The following PTPN4 variants were observed in gnomAD, a reference collection of about 807,000 sequenced individuals.
PTPN4 encodes protein tyrosine phosphatase non-receptor type 4.
PTPN4 carries 49 observed loss-of-function variants against 135.5 expected under a neutral mutation model. The ratio of observed to expected loss-of-function variants is 0.36; its 90% CI spans 0.29 to 0.46. The LOEUF is 0.46. PTPN4 is among the 20% of genes least tolerant of loss of function. PTPN4 has a pLI of 1.00. For synonymous variants in PTPN4, 333 were observed against 369.9 expected, an observed-to-expected ratio of 0.90 and a Z score of 1.14; for missense variants, 860 against 1,101.0, an observed-to-expected ratio of 0.78 and a Z score of 3.10.
chr2:119,934,810 A>G lies in PTPN4; in HGVS notation c.1207A>G (p.Thr403Ala), dbSNP rs756296489. The G allele has an allele frequency of 6.2e-7, 1 of 1,613,730 alleles. No homozygotes were observed. Among genetic ancestry groups the G allele is most frequent in the Admixed American group, 1.7e-5 (1 of 59,908 alleles). Residue 403 changes from threonine (T) to alanine (A), a missense_variant, in exon 15 of 27, where the codon ACA becomes GCA. Around this residue, in one of 2 missense-constraint regions of PTPN4, gnomAD observed 684 missense variants for 807.0 expected, o/e 0.85. Coordinates refer to ENST00000263708, the MANE Select transcript of PTPN4 (RefSeq NM_002830.4). Reference protein sequence around the residue: ...PPGTPNHRNSTFTQEGTRLRP... With the variant: ...PPGTPNHRNSAFTQEGTRLRP... ...TCCCTCTTTATTTAGTCGAAATTCT[A>G]CATTCACGCAGGAAGGAACCCGGTT... is the stretch of plus-strand genomic sequence containing the variant.
intron 22 of PTPN4, among the ~76,000 whole-genome samples, 186 bp downstream of exon 22, chr2:119,957,263 A>G (rs1432506892): frequency 2.0e-5 from 3 of 152,192 alleles, no homozygotes; most frequent in African/African-American, 7.2e-5. Flanking sequence ...AGAGCAGTGG[A>G]ATGGAATAGT....
At chr2:119,784,204 C>T (rs181254889) in intron 1 of PTPN4, among the ~76,000 whole-genome samples, 107 of 151,518 alleles carry the variant, frequency 7.1e-4, no homozygotes, top group Non-Finnish European at 1.2e-3. Context: ...TTGGTCAAAG[C>T]AATTACAAGT....
At chr2:119,816,607 A>G (rs1005367892) in intron 2 of PTPN4, among the ~76,000 whole-genome samples, 1 of 152,174 alleles carries the variant, frequency 6.6e-6, no homozygotes. Flanking sequence ...ACAGCTCACC[A>G]TAATGTAGAG....
chr2:119,904,066 G>A (rs900130492), intron 10 of PTPN4, among the ~76,000 whole-genome samples: 2 of 152,152 alleles, frequency 1.3e-5, no homozygotes, highest in African/African-American at 4.8e-5. Flanking sequence ...TGTTACACCA[G>A]ATGTGCAGAT....
chr2:119,945,018 G>GT, intron 15 of PTPN4, 63 bp from the exon 16 acceptor site: 1 of 1,453,270 alleles, frequency 6.9e-7, no homozygotes, highest in Non-Finnish European at 9.2e-7. Context: ...AAATATGTGG[G>GT]TTGCTTGACC....
At chr2:119,773,414 G>A (rs1690770445) in intron 1 of PTPN4, among the ~76,000 whole-genome samples, 1 of 151,948 alleles carries the variant, frequency 6.6e-6, no homozygotes, top group Admixed American at 6.6e-5. Flanking sequence ...GAACTATATA[G>A]CCTAAAAATA....
At chr2:119,940,006 A>G (rs1679038687) in intron 15 of PTPN4, among the ~76,000 whole-genome samples, 1 of 152,210 alleles carries the variant, frequency 6.6e-6, no homozygotes, top group African/African-American at 2.4e-5. Context: ...TAGCTGCAGT[A>G]TGCTTACCTA....
intron 1 of PTPN4, among the ~76,000 whole-genome samples, chr2:119,766,119 T>TC (rs767356526): frequency 3.3e-5 from 5 of 152,098 alleles, no homozygotes; most frequent in Non-Finnish European, 7.4e-5. Flanking sequence ...GCATATCAGA[T>TC]CCCCCTCCCC....
At chr2:119,903,347 C>G (rs1407262380) in intron 10 of PTPN4, among the ~76,000 whole-genome samples, 1 of 152,044 alleles carries the variant, frequency 6.6e-6, no homozygotes, top group Non-Finnish European at 1.5e-5. Flanking sequence ...CCACCGTCAC[C>G]AGTGATAACA....
At chr2:119,970,049 T>C (rs1443190565) in intron 26 of PTPN4, among the ~76,000 whole-genome samples, 1 of 151,960 alleles carries the variant, frequency 6.6e-6, no homozygotes, top group Non-Finnish European at 1.5e-5. Flanking sequence ...TATATAACTT[T>C]TATTTTTATT....
intron 1 of PTPN4, among the ~76,000 whole-genome samples, chr2:119,761,570 A>T (rs1404218025): frequency 6.6e-6 from 1 of 152,210 alleles, no homozygotes; most frequent in Non-Finnish European, 1.5e-5. Flanking sequence ...TGTGGACATC[A>T]CTGTTTTTTT....
intron 5 of PTPN4, among the ~76,000 whole-genome samples, chr2:119,881,569 A>G (rs1395068088): frequency 6.6e-6 from 1 of 152,242 alleles, no homozygotes; most frequent in Non-Finnish European, 1.5e-5. Context: ...GAAACAAGAC[A>G]TTCGAAATAC....
In PTPN4 at chr2:119,881,957, C is replaced by G. The variant is rs916057239; in HGVS notation, c.413+127C>G. On this transcript the variant is annotated intron_variant, in intron 6 of 26. Coordinates refer to ENST00000263708, the MANE Select transcript of PTPN4 (RefSeq NM_002830.4). The stretch of plus-strand genomic sequence containing the variant: ...AAGAAGGTTACATGTAGTGTGAATT[C>G]CTTTCATCAGATAAGTTTATTTCTT... The G allele has an allele frequency of 6.7e-6, 7 of 1,046,938 alleles. No individual in the cohort carries two copies. The Admixed American group carries it at 1.4e-4, about 22-fold the overall frequency. 64.9% of individuals were successfully genotyped at this position (1,046,938 alleles called of 1,614,324 possible).
At chr2:119,787,682 C>T (rs1179028522) in intron 1 of PTPN4, among the ~76,000 whole-genome samples, 1 of 152,152 alleles carries the variant, frequency 6.6e-6, no homozygotes, top group Non-Finnish European at 1.5e-5. Context: ...CCTCTGGTGT[C>T]TGGCTCATTA....
intron 1 of PTPN4, among the ~76,000 whole-genome samples, chr2:119,770,878 C>CTTTTT (rs11302568): frequency 7.2e-6 from 1 of 138,972 alleles, no homozygotes; most frequent in African/African-American, 2.6e-5. Context: ...AAGGGTCTAA[C>CTTTTT]TTTTTTTTTT....
intron 9 of PTPN4, among the ~76,000 whole-genome samples, chr2:119,899,101 T>C (rs1162613082): frequency 6.6e-6 from 1 of 152,232 alleles, no homozygotes. Flanking sequence ...CCAGCTACAA[T>C]GTGCCTATAG....
At chr2:119,849,858 T>C (rs1305760778) in intron 2 of PTPN4, among the ~76,000 whole-genome samples, 1 of 152,240 alleles carries the variant, frequency 6.6e-6, no homozygotes, top group African/African-American at 2.4e-5. Context: ...ATGCAGCTGT[T>C]AAGCTTCAAT....
chr2:119,956,237 A>ATTTTTTTTTTTT (rs10627020), intron 20 of PTPN4, among the ~76,000 whole-genome samples: 1 of 101,042 alleles, frequency 9.9e-6, no homozygotes, highest in Admixed American at 1.3e-4. Context: ...ATAAACCTGA[A>ATTTTTTTTTTTT]TTTTTTTTTT....
chr2:119,980,526 A>G lies in PTPN4; in HGVS notation c.*3456A>G, dbSNP rs1412262791. The G allele has an allele frequency of 6.6e-6, 1 of 152,010 alleles. No homozygotes were observed. The highest frequency in any genetic ancestry group is 1.9e-4 in the East Asian group (1 of 5,196). The allele number at this position is 152,010 out of a possible 1,614,324, so 9.4% of individuals were successfully genotyped here. ...GTTATTGATTTAGCAGTCTGGTCTT[A>G]TATGATCTGCTTTCTAATTATCTAT... On this transcript the variant is annotated 3_prime_UTR_variant, in exon 27 of 27. Coordinates refer to ENST00000263708, the MANE Select transcript of PTPN4 (RefSeq NM_002830.4).
Sources: gnomAD v4.1 joint callset for allele counts (sites outside exome capture counted in the v4.1 genomes callset) on GRCh38, gnomAD v4.1.1 for gene constraint, gnomAD v4.1.1 regional missense constraint, MANE v1.5 for transcripts, NCBI Gene and HGNC (gene_info 2026-07-23, HGNC 2026-07-21) for gene names.